The following LRMDA variants were observed in gnomAD, a reference collection of about 807,000 sequenced individuals.
The protein encoded by LRMDA is leucine-rich melanocyte differentiation-associated protein.
In LRMDA, 18 loss-of-function variants were observed where a neutral mutation model predicts 29.8. That is an observed-to-expected ratio of 0.60 (90% confidence interval 0.42 to 0.90). The LOEUF is 0.90. Among genes scored for constraint, LRMDA ranks in the 40% least tolerant of loss-of-function variants. The pLI, the probability that LRMDA is intolerant of heterozygous loss-of-function variation, is 0.00. For synonymous variants in LRMDA, 125 were observed against 109.4 expected (o/e 1.14, Z -0.89); for missense variants, 273 against 273.9 (o/e 1.00, Z 0.02).
chr10:75,592,614 C>T (rs1324046282), intron 2 of LRMDA, among the ~76,000 whole-genome samples: 1 of 152,212 alleles, frequency 6.6e-6, no homozygotes, highest in East Asian at 1.9e-4. Context: ...CTGGGCAGCT[C>T]TACCGTCGTC....
At chr10:76,192,429 G>A (rs1360552740) in intron 5 of LRMDA, among the ~76,000 whole-genome samples, 4 of 152,198 alleles carry the variant, frequency 2.6e-5, no homozygotes, top group South Asian at 4.1e-4. Context: ...CAAAAGGCCT[G>A]CGACTAGTCA....
chr10:75,735,142 A>G (rs1305990256), intron 2 of LRMDA, among the ~76,000 whole-genome samples: 1 of 152,250 alleles, frequency 6.6e-6, no homozygotes, highest in South Asian at 2.1e-4. Context: ...CTCAATAAAC[A>G]TTTATTGAAT....
chr10:75,675,227 C>G (rs1841945254), intron 2 of LRMDA, among the ~76,000 whole-genome samples: 1 of 152,200 alleles, frequency 6.6e-6, no homozygotes, highest in South Asian at 2.1e-4. Flanking sequence ...ATACTCAACA[C>G]TGGGAGTGGT....
chr10:75,543,153 G>A (rs1221682753), intron 2 of LRMDA, among the ~76,000 whole-genome samples: 3 of 152,170 alleles, frequency 2.0e-5, no homozygotes, highest in Non-Finnish European at 4.4e-5. Context: ...CAGTGGTGCT[G>A]GCCATGCCAG....
Position 76,061,914 on chromosome 10 carries a change from C to T in LRMDA, c.516+3131C>T, listed in dbSNP as rs149277287. Among the ~76,000 whole-genome samples, 333 of 152,278 alleles carry T rather than the reference C, an allele frequency of 2.2e-3. 6 individuals are homozygous for T. The highest frequency in any genetic ancestry group is 4.1e-3 in the South Asian group (20 of 4,820). ...GGTACTTTTCTTGTAGAAAGAAAGA[C>T]GCCAAATGAGCTCCTTGCTGAATTA... is the stretch of plus-strand genomic sequence containing the variant. On this transcript the variant is annotated intron_variant, in intron 5 of 6. Transcript: ENST00000611255.
At chr10:76,043,586 T>G (rs1396803871) in intron 3 of LRMDA, among the ~76,000 whole-genome samples, 2 of 152,098 alleles carry the variant, frequency 1.3e-5, no homozygotes, top group South Asian at 4.1e-4. Context: ...CATGTGACTC[T>G]ATTACCAGGG....
At chr10:76,062,324 A>G (rs1436833978) in intron 5 of LRMDA, among the ~76,000 whole-genome samples, 1 of 152,166 alleles carries the variant, frequency 6.6e-6, no homozygotes, top group Non-Finnish European at 1.5e-5. Context: ...GAGAATGGAA[A>G]ATGTCCCTCC....
At chr10:75,564,240 G>T (rs1056791562) in intron 2 of LRMDA, among the ~76,000 whole-genome samples, 2 of 152,152 alleles carry the variant, frequency 1.3e-5, no homozygotes, top group Non-Finnish European at 2.9e-5. Flanking sequence ...GGCAATGGTG[G>T]GCGCCCCTCC....
intron 2 of LRMDA, among the ~76,000 whole-genome samples, chr10:76,028,453 T>G (rs1287737853): frequency 1.3e-5 from 2 of 152,174 alleles, no homozygotes; most frequent in African/African-American, 4.8e-5. Context: ...TAGTTGAACT[T>G]TATTATTTAG....
At chr10:76,253,687 C>T (rs1239613006) in intron 5 of LRMDA, among the ~76,000 whole-genome samples, 1 of 152,066 alleles carries the variant, frequency 6.6e-6, no homozygotes, top group East Asian at 1.9e-4. Context: ...TCTGTTCCTC[C>T]TTTAAAAAAT....
intron 6 of LRMDA, among the ~76,000 whole-genome samples, chr10:76,359,274 G>C (rs1054333117): frequency 2.6e-5 from 4 of 152,114 alleles, no homozygotes; most frequent in African/African-American, 9.7e-5. Context: ...ATTGAGTAAA[G>C]GCTTATTAGT....
intron 5 of LRMDA, among the ~76,000 whole-genome samples, chr10:76,201,077 AT>A: frequency 8.8e-6 from 1 of 113,286 alleles, no homozygotes; most frequent in Non-Finnish European, 1.7e-5. Flanking sequence ...ATTTTTATTT[AT>A]TTATTTATTT....
intron 5 of LRMDA, among the ~76,000 whole-genome samples, chr10:76,071,583 G>A (rs1390629018): frequency 6.6e-6 from 1 of 152,170 alleles, no homozygotes; most frequent in African/African-American, 2.4e-5. Flanking sequence ...AATGAACAGG[G>A]CGAGTAAGCG....
chr10:75,630,762 C>G (rs1344303505), intron 2 of LRMDA, among the ~76,000 whole-genome samples: 2 of 152,238 alleles, frequency 1.3e-5, no homozygotes, highest in Admixed American at 1.3e-4. Context: ...CTTCATTTCT[C>G]TTAAGGTGTA....
intron 2 of LRMDA, among the ~76,000 whole-genome samples, chr10:75,773,018 G>C (rs1843265068): frequency 6.6e-6 from 1 of 152,284 alleles, no homozygotes; most frequent in Admixed American, 6.5e-5. Flanking sequence ...TCTCCATCTT[G>C]TTAAAATAAA....
intron 5 of LRMDA, among the ~76,000 whole-genome samples, chr10:76,144,418 AGTTGGATTCCTAG>A (rs1365022888): frequency 1.3e-5 from 2 of 151,888 alleles, no homozygotes; most frequent in Non-Finnish European, 2.9e-5. Flanking sequence ...ATCCCTTGTA[AGTTGGATTCCTAG>A]GTATTTTATT....
chr10:75,591,650 C>T (rs1482032319), intron 2 of LRMDA, among the ~76,000 whole-genome samples: 1 of 152,186 alleles, frequency 6.6e-6, no homozygotes, highest in Non-Finnish European at 1.5e-5. Context: ...GCAGTTCTCC[C>T]CGTAATCGGG....
chr10:75,520,672 C>T (rs1320267609), intron 2 of LRMDA, among the ~76,000 whole-genome samples: 1 of 152,226 alleles, frequency 6.6e-6, no homozygotes, highest in Non-Finnish European at 1.5e-5. Flanking sequence ...CCTTCTGAAG[C>T]CTACTTCTGT....
chr10:75,986,099 A>C (rs1847258187), intron 2 of LRMDA, among the ~76,000 whole-genome samples: 1 of 152,212 alleles, frequency 6.6e-6, no homozygotes, highest in Non-Finnish European at 1.5e-5. Flanking sequence ...GCTAGAACCT[A>C]TTATTTTGGA....
Sources: gnomAD v4.1 joint callset for allele counts (sites outside exome capture counted in the v4.1 genomes callset) on GRCh38, gnomAD v4.1.1 for gene constraint, MANE v1.5 for transcripts, NCBI Gene and HGNC (gene_info 2026-07-23, HGNC 2026-07-21) for gene names.